The following RUNDC3B variants were observed in gnomAD, a reference collection of about 807,000 sequenced individuals.
The protein encoded by RUNDC3B is RUN domain containing 3B.
In RUNDC3B, 33 loss-of-function variants were observed where a neutral mutation model predicts 58.4. That is an observed-to-expected ratio of 0.56 (90% CI 0.43 to 0.75). RUNDC3B has a LOEUF of 0.75. Among genes scored for constraint, RUNDC3B ranks in the 30% least tolerant of loss-of-function variants. RUNDC3B has a pLI of 0.00. For synonymous variants in RUNDC3B, 193 were observed against 195.2 expected (o/e 0.99, Z 0.10); for missense variants, 501 against 535.7 (o/e 0.94, Z 0.64).
intron 1 of RUNDC3B, among the ~76,000 whole-genome samples, chr7:87,647,543 G>T (rs927598205): frequency 1.3e-5 from 2 of 152,118 alleles, no homozygotes; most frequent in African/African-American, 4.8e-5. Context: ...TATGCAACAT[G>T]TAATGAATTT....
chr7:87,719,491 A>T (rs1455091482), intron 4 of RUNDC3B, among the ~76,000 whole-genome samples: 8 of 151,870 alleles, frequency 5.3e-5, no homozygotes, highest in Non-Finnish European at 8.8e-5. Flanking sequence ...ACACAAGTAA[A>T]TATACAAAAT....
At chr7:87,694,215 A>G (rs1828291028) in intron 2 of RUNDC3B, among the ~76,000 whole-genome samples, 1 of 152,100 alleles carries the variant, frequency 6.6e-6, no homozygotes, top group African/African-American at 2.4e-5. Context: ...GTATAATAAT[A>G]AATATTACGT....
At chr7:87,810,267 G>A (rs1300147281) in intron 9 of RUNDC3B, among the ~76,000 whole-genome samples, 1 of 152,196 alleles carries the variant, frequency 6.6e-6, no homozygotes, top group East Asian at 1.9e-4. Flanking sequence ...AGAGAGCTCT[G>A]CCCAGCAGTG....
intron 6 of RUNDC3B, among the ~76,000 whole-genome samples, chr7:87,748,748 T>G (rs1832796066): frequency 6.6e-6 from 1 of 152,024 alleles, no homozygotes; most frequent in Non-Finnish European, 1.5e-5. Flanking sequence ...CTCAAGATAA[T>G]TACCATCTAG....
At chr7:87,758,790 T>C (rs999832377) in intron 6 of RUNDC3B, among the ~76,000 whole-genome samples, 1 of 152,092 alleles carries the variant, frequency 6.6e-6, no homozygotes, top group African/African-American at 2.4e-5. Flanking sequence ...ATCATCTCAC[T>C]CTAGTTAAAA....
chr7:87,819,503 C>A (rs1439739981), intron 10 of RUNDC3B, among the ~76,000 whole-genome samples: 1 of 151,884 alleles, frequency 6.6e-6, no homozygotes, highest in Non-Finnish European at 1.5e-5. Flanking sequence ...ACAAGGATAC[C>A]CAGGAATTGA....
At chr7:87,648,476 T>A (rs1823250049) in intron 1 of RUNDC3B, among the ~76,000 whole-genome samples, 1 of 151,718 alleles carries the variant, frequency 6.6e-6, no homozygotes, top group Non-Finnish European at 1.5e-5. Flanking sequence ...GCATTGAAAG[T>A]GTAAAGGAAA....
chr7:87,676,715 A>G (rs1826399455), intron 2 of RUNDC3B, among the ~76,000 whole-genome samples: 1 of 151,278 alleles, frequency 6.6e-6, no homozygotes, highest in Non-Finnish European at 1.5e-5. Flanking sequence ...AAAAAAAAAA[A>G]AAAAAAAAAA....
chr7:87,816,360 T>A, intron 10 of RUNDC3B, 98 bp downstream of exon 10: 1 of 851,944 alleles, frequency 1.2e-6, no homozygotes, highest in Non-Finnish European at 1.8e-6. Flanking sequence ...ACATCTCTGT[T>A]AATCATGCTA....
At chr7:87,646,193 T>G (rs1313994114) in intron 1 of RUNDC3B, among the ~76,000 whole-genome samples, 2 of 152,208 alleles carry the variant, frequency 1.3e-5, no homozygotes, top group Non-Finnish European at 2.9e-5. Flanking sequence ...CTATGAGTAA[T>G]GTAGAAAAAT....
At chr7:87,715,378 T>C (rs1830485298) in intron 4 of RUNDC3B, among the ~76,000 whole-genome samples, 1 of 127,194 alleles carries the variant, frequency 7.9e-6, no homozygotes, top group African/African-American at 3.0e-5. Context: ...AATAATTATA[T>C]AATCAATATA....
intron 7 of RUNDC3B, among the ~76,000 whole-genome samples, chr7:87,775,811 A>ACCTTT (rs1834589006): frequency 6.6e-6 from 1 of 152,190 alleles, no homozygotes; most frequent in South Asian, 2.1e-4. Context: ...TAGGAACAAT[A>ACCTTT]GGCTATACCA....
intron 6 of RUNDC3B, among the ~76,000 whole-genome samples, chr7:87,741,790 A>C (rs1192702369): frequency 6.6e-6 from 1 of 152,186 alleles, no homozygotes; most frequent in East Asian, 1.9e-4. Flanking sequence ...CATAATTGTA[A>C]TCCTAGCATC....
At chr7:87,798,420 G>GA (rs1269960908) in intron 8 of RUNDC3B, among the ~76,000 whole-genome samples, 2 of 152,126 alleles carry the variant, frequency 1.3e-5, no homozygotes, top group Non-Finnish European at 2.9e-5. Flanking sequence ...CATTATAGTA[G>GA]AAATGTTTTT....
rs570066523 is a variant in RUNDC3B at position 87,735,933 on chromosome 7, G to A, written c.459-3858G>A. ...TTTACCATTGTAACTATAGTACCTC[G>A]CACAGTTCTTGTCACATAAAAGGAA... On this transcript the variant is annotated intron_variant, in intron 4 of 10. Transcript: ENST00000394654. Among the ~76,000 whole-genome samples, 9 of 152,036 alleles carry A rather than the reference G, an allele frequency of 5.9e-5. No individual in the cohort carries two copies. In the South Asian group the frequency reaches 1.5e-3, roughly 25 times the overall value.
chr7:87,726,404 A>T (rs1191673358), intron 4 of RUNDC3B, among the ~76,000 whole-genome samples: 1 of 152,064 alleles, frequency 6.6e-6, no homozygotes, highest in Non-Finnish European at 1.5e-5. Context: ...ATGGTTGTAG[A>T]TATGCGGCAT....
At chr7:87,677,993 A>T (rs1826551160) in intron 2 of RUNDC3B, among the ~76,000 whole-genome samples, 1 of 152,240 alleles carries the variant, frequency 6.6e-6, no homozygotes, top group African/African-American at 2.4e-5. Flanking sequence ...TCCCAGATAA[A>T]GGAAAACTAA....
At chr7:87,639,376 T>C (rs147991033) in intron 1 of RUNDC3B, among the ~76,000 whole-genome samples, 57 of 152,326 alleles carry the variant, frequency 3.7e-4, no homozygotes, top group African/African-American at 1.3e-3. Context: ...TCTGTCATTG[T>C]TGATTGCATG....
chr7:87,818,669 C>T (rs1362396411), intron 10 of RUNDC3B, among the ~76,000 whole-genome samples: 3 of 152,092 alleles, frequency 2.0e-5, no homozygotes, highest in Non-Finnish European at 4.4e-5. Context: ...ATACCAAATA[C>T]AAGCAGGCTC....
Sources: gnomAD v4.1 joint callset for allele counts (sites outside exome capture counted in the v4.1 genomes callset) on GRCh38, gnomAD v4.1.1 for gene constraint, MANE v1.5 for transcripts, NCBI Gene and HGNC (gene_info 2026-07-23, HGNC 2026-07-21) for gene names.